Variants in CYB5R2 observed in about 807,000 individuals in gnomAD.
The protein encoded by CYB5R2 is cytochrome b5 reductase 2, also known as NADH-cytochrome b5 reductase 2.
CYB5R2 carries 35 observed loss-of-function variants against 29.8 expected under a neutral mutation model. The ratio of observed to expected loss-of-function variants is 1.17; its 90% CI spans 0.90 to 1.56. The LOEUF (loss-of-function observed/expected upper bound fraction) is 1.56, where lower values mean the gene tolerates loss of function less well. Among genes scored for constraint, CYB5R2 ranks in the 40% most tolerant of loss-of-function variants. The pLI is 0.00. For missense variants in CYB5R2, 419 were observed against 346.7 expected, an observed-to-expected ratio of 1.21 and a Z score of -1.66; for synonymous variants, 169 against 130.6, an observed-to-expected ratio of 1.29 and a Z score of -2.01.
chr11:7,672,083 A>T (rs936265987), intron 3 of CYB5R2: 2 of 217,822 alleles, frequency 9.2e-6, no homozygotes, highest in Non-Finnish European at 1.8e-5. Flanking sequence ...ACAACAACCC[A>T]AGTGAGGTAG....
chr11:7,671,327 T>G (rs1019993737), intron 3 of CYB5R2: 1 of 152,406 alleles, frequency 6.6e-6, no homozygotes, highest in African/African-American at 2.4e-5. Context: ...TCACTTCCAC[T>G]GGGCTGGGAC....
intron 7 of CYB5R2, 48 bp from the exon 8 acceptor site, chr11:7,666,598 G>C (rs1855254804): frequency 1.4e-6 from 2 of 1,395,688 alleles, no homozygotes; most frequent in African/African-American, 1.4e-5. Context: ...CCATCCTCTT[G>C]TTCCCTGGAC....
At chr11:7,671,472 C>T (rs1420052970) in intron 3 of CYB5R2, 3 of 152,316 alleles carry the variant, frequency 2.0e-5, no homozygotes, top group Non-Finnish European at 4.4e-5. Context: ...AATTCTCTAT[C>T]TCAAAGTTTT....
chr11:7,672,452 T>TGTAG lies in CYB5R2; in HGVS notation c.149_150insCTAC (p.Gly51TyrfsTer3). On this transcript the variant is annotated frameshift_variant and splice_region_variant, in exon 3 of 9. Coordinates refer to ENST00000299498, the MANE Select transcript of CYB5R2 (RefSeq NM_016229.5). LOFTEE classifies it high-confidence loss of function. ...GGTGATGACCCAAGCCCGGCTCACC[T>TGTAG]ACAGGAAGCCCTAAGACATGGTCCG... The TGTAG allele has an allele frequency of 6.2e-7, 1 of 1,614,036 alleles. No homozygotes were observed. Among genetic ancestry groups the TGTAG allele is most frequent in the Non-Finnish European group, 8.5e-7 (1 of 1,179,924 alleles).
chr11:7,668,547 T>C lies in CYB5R2; in HGVS notation c.403A>G (p.Arg135Gly), dbSNP rs1279186225. ...TTAGGCTCACTCGTCTGGTCTGGTC[T>C]GATTCCAAGATTCCCTGGAAACACA... Reference protein sequence around the residue: ...FYHGPGNLGIRPDQTSEPKKT... With the variant: ...FYHGPGNLGIGPDQTSEPKKT... Residue 135 changes from arginine to glycine, a missense_variant, in exon 6 of 9, where the codon AGA (arginine) becomes GGA (glycine). Transcript: ENST00000299498. 6.2e-7 allele frequency: 1 copy of C among 1,613,828 alleles called. No homozygotes were observed. Among genetic ancestry groups the C allele is most frequent in the Non-Finnish European group, 8.5e-7 (1 of 1,179,808 alleles).
At chr11:7,673,731 C>G, upstream of CYB5R2, 2 of 986,462 alleles carry the variant, frequency 2.0e-6, no homozygotes, top group Non-Finnish European at 2.4e-6. Flanking sequence ...GAGTGAGACG[C>G]CCAACACGTC....
intron 3 of CYB5R2, chr11:7,670,295 G>T (rs763327281): frequency 6.5e-6 from 1 of 153,888 alleles, no homozygotes; most frequent in African/African-American, 2.4e-5. Context: ...CGAGGCTGCA[G>T]TGAGCTGAGA....
At chr11:7,665,605 A>T in intron 8 of CYB5R2, 59 bp from the exon 9 acceptor site, 2 of 1,519,682 alleles carry the variant, frequency 1.3e-6, no homozygotes, top group South Asian at 2.6e-5. Flanking sequence ...TCCTGATCCC[A>T]GGCCGCCTGC....
intron 7 of CYB5R2, chr11:7,667,126 G>A (rs1010838833): frequency 6.6e-6 from 1 of 152,192 alleles, no homozygotes; most frequent in African/African-American, 2.4e-5. Context: ...TCTCATCCCA[G>A]TCATTCCACT....
intron 8 of CYB5R2, chr11:7,665,961 C>T: frequency 6.6e-7 from 1 of 1,520,846 alleles, no homozygotes; most frequent in Non-Finnish European, 8.8e-7. Flanking sequence ...GCAGGTACAG[C>T]CGGGAGCAGT....
rs1183640769 is a variant in CYB5R2 at position 7,666,428 on chromosome 11, A to G, written c.658+23T>C. 3 of 1,487,788 alleles carry G rather than the reference A, an allele frequency of 2.0e-6. No homozygotes were observed. In the African/African-American group the frequency reaches 4.2e-5, roughly 21 times the overall value. The allele number at this position is 1,487,788 out of a possible 1,614,324, so 92.2% of individuals were successfully genotyped here. A position where few individuals can be genotyped will look rare whatever the true frequency, so the allele number is the denominator to read the frequency against. ...CAAGGGTTGGTGCTGACCCATGGTG[A>G]GTGAGGGCAATGGATGTCGTACCAA... On this transcript the variant is annotated intron_variant, in intron 8 of 8. Transcript: ENST00000299498.
rs1328276818 is a variant in CYB5R2, at chr11:7,666,480, A to C, written c.629T>G (p.Leu210Arg). 1 of 1,613,104 alleles carries C rather than the reference A, an allele frequency of 6.2e-7. No homozygotes were observed. Among genetic ancestry groups the C allele is most frequent in the African/African-American group, 1.3e-5 (1 of 75,030 alleles). The change falls in exon 8 of 9, where the codon CTG (leucine) becomes CGG (arginine). Residue 210 changes from leucine (L) to arginine (R), a missense_variant. By Grantham distance (102) the Leu-to-Arg change is moderately radical. Transcript: ENST00000299498. ...IARTHPDQFN[L>R]WYTLDRPPIG... ...GGGAGGCCTGTCCAGGGTGTACCAC[A>C]GGTTGAACTGGTCTGGGTGAGTCCT...
chr11:7,669,414 C>T (rs1855580896), intron 4 of CYB5R2, 80 bp from the exon 5 acceptor site: 1 of 1,498,810 alleles, frequency 6.7e-7, no homozygotes, highest in Non-Finnish European at 9.0e-7. Context: ...GCATTTACTG[C>T]TGGAAGCTTT....
chr11:7,672,762 A>G lies in CYB5R2; in HGVS notation c.64T>C (p.Leu22=). The G allele has an allele frequency of 6.2e-7, 1 of 1,614,110 alleles. No individual in the cohort carries two copies. Among genetic ancestry groups the G allele is most frequent in the Non-Finnish European group, 8.5e-7 (1 of 1,180,030 alleles). ...TGACCCATTACCTCTTTCTCAATCA[A>G]GGGCAGCGGGTACTTGGCTTCAGGG... ...QDPEAKYPLP[L]IEKEKISHNT... is the part of the protein sequence containing the mutation. The change falls in exon 2 of 9, where the codon TTG becomes CTG. Residue 22 remains leucine (L), a synonymous_variant. Transcript: ENST00000299498.
intron 6 of CYB5R2, among the ~76,000 whole-genome samples, chr11:7,668,208 G>A (rs1855460716): frequency 6.6e-6 from 1 of 152,182 alleles, no homozygotes; most frequent in Admixed American, 6.5e-5. Flanking sequence ...CTGGATCTAG[G>A]AGCCCCTGGG....
rs1565150184 is a variant in CYB5R2 at position 7,666,832 on chromosome 11, C to T, written c.559-282G>A. On this transcript the variant is annotated intron_variant, in intron 7 of 8. Coordinates refer to ENST00000299498, the MANE Select transcript of CYB5R2 (RefSeq NM_016229.5). ...CAACTAGAAGGACCTTAGCCAAGCG[C>T]TGGCCAGGATGGCTTCACTCGGAGC... is the stretch of plus-strand genomic sequence containing the variant. 4 of 295,146 alleles carry T rather than the reference C, an allele frequency of 1.4e-5. No homozygotes were observed. The East Asian group carries it at 3.3e-4, about 24-fold the overall frequency. The allele number at this position is 295,146 out of a possible 1,614,324, so 18.3% of individuals were successfully genotyped here. A position where few individuals can be genotyped will look rare whatever the true frequency, so the allele number is the denominator to read the frequency against.
At position 7,672,750 on chromosome 11, in the gene CYB5R2, C is replaced by A. The variant is rs1565157769; in HGVS notation, c.76G>T (p.Glu26Ter). Residue 26 changes from glutamate to a stop codon, truncating the protein, a stop_gained and splice_region_variant, in exon 2 of 9, where the codon GAG (glutamate) becomes TAG (stop). Coordinates refer to ENST00000299498, the MANE Select transcript of CYB5R2 (RefSeq NM_016229.5). LOFTEE classifies it high-confidence loss of function. ...CACCCACAGGGCTGACCCATTACCT[C>A]TTTCTCAATCAAGGGCAGCGGGTAC... ...AKYPLPLIEKEKISHNTRRFR... is the reference protein window; with the variant it reads ...AKYPLPLIEK 6.2e-7 allele frequency: 1 copy of A among 1,614,176 alleles called. No individual in the cohort carries two copies. Among genetic ancestry groups the A allele is most frequent in the Non-Finnish European group, 8.5e-7 (1 of 1,180,030 alleles).
At chr11:7,665,958 C>G (rs1448804207) in intron 8 of CYB5R2, 1 of 1,522,720 alleles carries the variant, frequency 6.6e-7, no homozygotes, top group South Asian at 1.2e-5. Flanking sequence ...CAAGCAGGTA[C>G]AGCCGGGAGC....
rs1045185225 is a variant in CYB5R2 at position 7,669,192 on chromosome 11, A to T, written c.388+13T>A. The T allele has an allele frequency of 1.2e-6, 2 of 1,613,756 alleles. No individual in the cohort carries two copies. The highest frequency in any genetic ancestry group is 2.7e-5 in the African/African-American group (2 of 74,820). On this transcript the variant is annotated intron_variant, in intron 5 of 8. Coordinates refer to ENST00000299498, the MANE Select transcript of CYB5R2 (RefSeq NM_016229.5). ...CTCCCAGCTGGGAGCCCAAGTATTA[A>T]CCCCTCCAGTACCTGGCCCATGGTA...
Sources: gnomAD v4.1 joint callset for allele counts (sites outside exome capture counted in the v4.1 genomes callset) on GRCh38, gnomAD v4.1.1 for gene constraint, MANE v1.5 for transcripts, NCBI Gene and HGNC (gene_info 2026-07-23, HGNC 2026-07-21) for gene names.